The following IL1R1 variants were observed in gnomAD, a reference collection of about 807,000 sequenced individuals.
IL1R1 encodes interleukin 1 receptor type 1.
A neutral mutation model predicts 50.2 loss-of-function variants in IL1R1; 22 were observed. The observed-to-expected ratio is 0.44, with a 90% CI of 0.31 to 0.63. The LOEUF (loss-of-function observed/expected upper bound fraction) is 0.63. Ranked by LOEUF, IL1R1 falls within the 20% of genes least tolerant of loss-of-function variation. The pLI is 0.07. For missense variants in IL1R1, 509 were observed against 676.2 expected (o/e 0.75, Z 2.74); for synonymous variants, 251 against 236.7 (o/e 1.06, Z -0.55).
intron 1 of IL1R1, among the ~76,000 whole-genome samples, chr2:102,082,237 A>G (rs1045037102): frequency 7.2e-5 from 11 of 152,168 alleles, no homozygotes; most frequent in African/African-American, 2.7e-4. Context: ...AAGGATAAAT[A>G]TAAATTAAAG....
At chr2:102,135,004 A>G (rs1682263125) in intron 1 of IL1R1, among the ~76,000 whole-genome samples, 2 of 152,330 alleles carry the variant, frequency 1.3e-5, no homozygotes, top group South Asian at 4.1e-4. Flanking sequence ...ACAAGCACAC[A>G]GCTAATATGT....
Position 102,166,432 on chromosome 2 carries a change from G to A in IL1R1, c.655+151G>A, listed in dbSNP as rs527424504. 9.2e-5 allele frequency: 48 copies of A among 519,408 alleles called. No homozygotes were observed. The South Asian group carries it at 1.5e-3, about 17-fold the overall frequency. 32.2% of individuals were successfully genotyped at this position (519,408 alleles called of 1,614,324 possible). A position where few individuals can be genotyped will look rare whatever the true frequency, so the allele number is the denominator to read the frequency against. ...CACATGGCTTTAGTTTTGTTTTTTT[G>A]TTACTAAATACTATGTAATGTTTTT... On this transcript the variant is annotated intron_variant, in intron 6 of 11. Transcript: ENST00000410023.
At chr2:102,105,405 C>T (rs1304744274) in intron 1 of IL1R1, among the ~76,000 whole-genome samples, 3 of 152,134 alleles carry the variant, frequency 2.0e-5, no homozygotes, top group African/African-American at 2.4e-5. Context: ...CACTTTGTCA[C>T]CCAGACTGGA....
intron 1 of IL1R1, among the ~76,000 whole-genome samples, chr2:102,085,581 T>A (rs1344115060): frequency 1.3e-5 from 2 of 152,068 alleles, no homozygotes. Context: ...TTGGCCAGTT[T>A]GTATAAATTT....
chr2:102,110,201 A>G (rs12712127), intron 1 of IL1R1, among the ~76,000 whole-genome samples: 92,870 of 151,872 alleles, frequency 0.61, 28,943 homozygotes, highest in African/African-American at 0.7. Context: ...GCACCATTCT[A>G]TACCTTGATC....
intron 3 of IL1R1, among the ~76,000 whole-genome samples, chr2:102,161,332 T>C (rs1429261979): frequency 6.6e-6 from 1 of 152,256 alleles, no homozygotes; most frequent in Admixed American, 6.5e-5. Flanking sequence ...ATTTACTGAG[T>C]CTTGGGTTAT....
intron 1 of IL1R1, among the ~76,000 whole-genome samples, chr2:102,088,455 G>A (rs6745511): frequency 0.23 from 35,295 of 151,872 alleles, 4,597 homozygotes; most frequent in East Asian, 0.53. Flanking sequence ...GCTCTCAACA[G>A]TGGGCTTAAA....
chr2:102,152,878 A>G (rs1328623886), intron 1 of IL1R1, among the ~76,000 whole-genome samples: 23 of 152,160 alleles, frequency 1.5e-4, no homozygotes, highest in Non-Finnish European at 2.6e-4. Context: ...TGTGTAGTCT[A>G]AGGAAAATAC....
At position 102,176,530 on chromosome 2, in the gene IL1R1, AAGACTATGAGAAAATGCC is replaced by A; in HGVS notation, c.1485_1502del (p.Asp495_Pro500del). 6.2e-7 allele frequency: 1 copy of A among 1,614,220 alleles called. No individual in the cohort carries two copies. Among genetic ancestry groups the A allele is most frequent in the Non-Finnish European group, 8.5e-7 (1 of 1,180,032 alleles). On this transcript the variant is annotated inframe_deletion, in exon 12 of 12. Coordinates refer to ENST00000410023, the MANE Select transcript of IL1R1 (RefSeq NM_000877.4). ...GTCCTGCTTGAGCTGGAGAAAATCC[AAGACTATGAGAAAATGCC>A]AGAATCGATTAAATTCATTAAGCAG...
At chr2:102,172,077 TA>T (rs1204397855) in intron 8 of IL1R1, 159 bp downstream of exon 8, 1 of 157,468 alleles carries the variant, frequency 6.4e-6, no homozygotes, top group East Asian at 2.2e-4. Flanking sequence ...GTAGAATTTA[TA>T]AGATCTTGTA....
At position 102,073,772 on chromosome 2, in the gene IL1R1, T is replaced by G. The variant is rs1678842242; in HGVS notation, c.-84+3239T>G. Among the ~76,000 whole-genome samples, 2 of 152,132 alleles carry G rather than the reference T, an allele frequency of 1.3e-5. 1 individual carries two copies. The highest frequency in any genetic ancestry group is 4.1e-4 in the South Asian group (2 of 4,832). ...TACCATACTCATTTGACAGCACCAT[T>G]TACGGTCAACAAATCTCTAAGCTCA... On this transcript the variant is annotated intron_variant, in intron 1 of 11. Transcript: ENST00000409929.
intron 7 of IL1R1, among the ~76,000 whole-genome samples, chr2:102,171,572 A>G (rs1212249588): frequency 2.6e-5 from 4 of 152,210 alleles, no homozygotes; most frequent in Non-Finnish European, 5.9e-5. Flanking sequence ...ATTACAAAAT[A>G]GTAGGCAAAA....
chr2:102,153,398 T>A (rs1577977470), intron 1 of IL1R1, among the ~76,000 whole-genome samples: 1 of 152,332 alleles, frequency 6.6e-6, no homozygotes, highest in Middle Eastern at 3.4e-3. Flanking sequence ...TCCCTGTGAT[T>A]TGATTTCCTG....
intron 1 of IL1R1, among the ~76,000 whole-genome samples, chr2:102,108,410 G>A (rs936237738): frequency 2.0e-5 from 3 of 152,154 alleles, no homozygotes; most frequent in Non-Finnish European, 2.9e-5. Context: ...TCCTCCTATT[G>A]CATTCTCATC....
At chr2:102,162,522 A>G (rs542400662) in intron 3 of IL1R1, among the ~76,000 whole-genome samples, 1 of 142,706 alleles carries the variant, frequency 7.0e-6, no homozygotes, top group East Asian at 2.1e-4. Flanking sequence ...CATTTTTAGG[A>G]TTCATTTTAT....
intron 1 of IL1R1, among the ~76,000 whole-genome samples, chr2:102,111,950 C>T (rs1211516497): frequency 2.0e-5 from 3 of 152,204 alleles, no homozygotes; most frequent in South Asian, 2.1e-4. Flanking sequence ...CCTCCCACCC[C>T]TGAAATCTGA....
intron 1 of IL1R1, among the ~76,000 whole-genome samples, chr2:102,090,660 T>A (rs1420051174): frequency 1.3e-5 from 2 of 152,228 alleles, no homozygotes; most frequent in South Asian, 4.1e-4. Context: ...TTCCTTTTTA[T>A]AGATTTCAAT....
intron 1 of IL1R1, among the ~76,000 whole-genome samples, chr2:102,089,141 C>T (rs1019781878): frequency 6.6e-6 from 1 of 152,192 alleles, no homozygotes; most frequent in Non-Finnish European, 1.5e-5. Flanking sequence ...CTTTTCTAAC[C>T]ATCTGGTGCA....
rs1685968043 is a variant in IL1R1 at position 102,174,710 on chromosome 2, A to G, written c.1115A>G (p.Tyr372Cys). 6.2e-7 allele frequency: 1 copy of G among 1,608,436 alleles called. No homozygotes were observed. The highest frequency in any genetic ancestry group is 1.1e-5 in the South Asian group (1 of 89,506). ...GTGCTTTGGTACAGGGATTCCTGCT[A>G]TGATTTTCTCCCAATAAAAGGTATA... is the stretch of plus-strand genomic sequence containing the variant. The part of the protein sequence containing the change: ...DIVLWYRDSC[Y>C]DFLPIKASDG... Residue 372 changes from tyrosine to cysteine, a missense_variant, in exon 10 of 12, where the codon TAT (tyrosine) becomes TGT (cysteine). Physicochemically the swap from Tyr to Cys is radical, Grantham distance 194. Transcript: ENST00000410023.
Sources: gnomAD v4.1 joint callset for allele counts (sites outside exome capture counted in the v4.1 genomes callset) on GRCh38, gnomAD v4.1.1 for gene constraint, MANE v1.5 for transcripts, NCBI Gene and HGNC (gene_info 2026-07-23, HGNC 2026-07-21) for gene names.